THSD4: variants seen among roughly 807,000 people sequenced by gnomAD.
The protein encoded by THSD4 is thrombospondin type 1 domain containing 4, also known as thrombospondin type-1 domain-containing protein 4.
Under a neutral mutation model 119.0 loss-of-function variants are expected in THSD4, and 69 were observed. The observed-to-expected ratio is 0.58, with a 90% CI of 0.48 to 0.71. The LOEUF is 0.71. Among genes scored for constraint, THSD4 ranks in the 30% least tolerant of loss-of-function variants. The pLI, the probability that THSD4 is intolerant of heterozygous loss-of-function variation, is 0.00. For synonymous variants in THSD4, 524 were observed against 540.4 expected (o/e 0.97, Z 0.42); for missense variants, 1,393 against 1,391.1 (o/e 1.00, Z -0.02).
Position 71,728,664 on chromosome 15 carries a change from G to A in THSD4, c.1473G>A (p.Ser491=), listed in dbSNP as rs527544680. ...MFTYKRPNEI[S]STAGESFLAE... ...CCTACAAGCGTCCAAATGAGATTTC[G>A]AGCACTGCCGGAGAGTCCTTTTTGG... is the stretch of plus-strand genomic sequence containing the variant. Residue 491 remains serine, a synonymous_variant, in exon 9 of 18, where the codon TCG becomes TCA. Coordinates refer to ENST00000261862, the MANE Select transcript of THSD4 (RefSeq NM_024817.3). 1.1e-5 allele frequency: 17 copies of A among 1,614,192 alleles called. No individual in the cohort carries two copies. The highest frequency in any genetic ancestry group is 1.1e-5 in the Non-Finnish European group (13 of 1,180,036).
At chr15:71,671,755 T>G (rs897848819) in intron 8 of THSD4, among the ~76,000 whole-genome samples, 28 of 152,106 alleles carry the variant, frequency 1.8e-4, no homozygotes, top group African/African-American at 6.8e-4. Context: ...TTTCCCCACT[T>G]CTTGTTTTTG....
At chr15:71,586,515 T>C (rs2049673873) in intron 7 of THSD4, among the ~76,000 whole-genome samples, 1 of 152,178 alleles carries the variant, frequency 6.6e-6, no homozygotes, top group East Asian at 1.9e-4. Flanking sequence ...TGAGGGATGC[T>C]TTGAGAGTCC....
intron 7 of THSD4, among the ~76,000 whole-genome samples, chr15:71,591,667 A>G (rs959678780): frequency 1.3e-5 from 2 of 152,080 alleles, no homozygotes; most frequent in Middle Eastern, 3.2e-3. Flanking sequence ...GGCCCAGTGT[A>G]ACCTTCTGCA....
chr15:71,771,092 G>T lies in THSD4; in HGVS notation c.2798G>T (p.Arg933Leu). 6.2e-7 allele frequency: 1 copy of T among 1,614,092 alleles called. No individual in the cohort carries two copies. The highest frequency in any genetic ancestry group is 8.5e-7 in the Non-Finnish European group (1 of 1,180,002). ...TCCAAGAGCTGCCAGGGTGGCTTTC[G>T]GGTCCGGGAAGTGCGGTGTCTGTCT... is the stretch of plus-strand genomic sequence containing the variant. ...MCSKSCQGGFRVREVRCLSDD... is the reference protein window; with the variant it reads ...MCSKSCQGGFLVREVRCLSDD... Residue 933 changes from arginine (R) to leucine (L), a missense_variant, in exon 17 of 18, where the codon CGG becomes CTG. By Grantham distance (102) the Arg-to-Leu change is moderately radical. Transcript: ENST00000261862.
intron 7 of THSD4, among the ~76,000 whole-genome samples, chr15:71,650,245 C>T (rs1334502130): frequency 2.6e-5 from 4 of 152,180 alleles, no homozygotes; most frequent in African/African-American, 9.7e-5. Context: ...CAACAGAGAC[C>T]ATATGACTGC....
chr15:71,385,962 G>A (rs1054138375), intron 6 of THSD4, among the ~76,000 whole-genome samples: 2 of 152,184 alleles, frequency 1.3e-5, no homozygotes, highest in Admixed American at 6.5e-5. Flanking sequence ...AGCAATGGCA[G>A]AATGGAGGCA....
intron 6 of THSD4, among the ~76,000 whole-genome samples, chr15:71,404,068 ACTT>A (rs1159315483): frequency 2.0e-5 from 3 of 152,204 alleles, no homozygotes; most frequent in African/African-American, 7.2e-5. Flanking sequence ...AAAACTAATT[ACTT>A]CTTTTCCTTT....
chr15:71,663,475 C>T lies in THSD4; in HGVS notation c.1357+2741C>T, dbSNP rs543661290. ...ACAGAGATTCCTTCTAGAGCACTTA[C>T]GTCACCTGGGGTGCTTTGTGTATTC... On this transcript the variant is annotated intron_variant, in intron 8 of 17. Coordinates refer to ENST00000261862, the MANE Select transcript of THSD4 (RefSeq NM_024817.3). Among the ~76,000 whole-genome samples the T allele has an allele frequency of 2.6e-5, 4 of 152,314 alleles. No individual in the cohort carries two copies. In the East Asian group the frequency reaches 7.7e-4, roughly 29 times the overall value.
In THSD4 at chr15:71,550,522, C is replaced by T. The variant is rs189413463; in HGVS notation, c.1153-110008C>T. ...CACAATCTCGGCTCACTGCAAGCTC[C>T]GCCTCCCGGGTTCACGCCATTTTCC... On this transcript the variant is annotated intron_variant, in intron 7 of 17. Coordinates refer to ENST00000261862, the MANE Select transcript of THSD4 (RefSeq NM_024817.3). Among the ~76,000 whole-genome samples, 171 of 152,254 alleles carry T rather than the reference C, an allele frequency of 1.1e-3. 1 individual carries two copies. The highest frequency in any genetic ancestry group is 3.2e-3 in the Admixed American group (49 of 15,288).
intron 6 of THSD4, among the ~76,000 whole-genome samples, chr15:71,305,236 A>T (rs903509060): frequency 6.6e-6 from 1 of 152,202 alleles, no homozygotes; most frequent in African/African-American, 2.4e-5. Flanking sequence ...CAAAGTACCA[A>T]TTTCAATCCA....
intron 3 of THSD4, among the ~76,000 whole-genome samples, chr15:71,201,137 T>C (rs2043800424): frequency 6.6e-6 from 1 of 151,924 alleles, no homozygotes; most frequent in Admixed American, 6.6e-5. Flanking sequence ...CCTTCTGTCT[T>C]CTTTAGGCCC....
At chr15:71,746,692 G>T (rs958245129) in intron 12 of THSD4, 146 bp from the exon 13 acceptor site, 1 of 915,086 alleles carries the variant, frequency 1.1e-6, no homozygotes, top group South Asian at 1.6e-5. Context: ...ACTGTGCCCA[G>T]CCTAGGCTGA....
rs1440346071 is a variant in THSD4, at chr15:71,746,656, A to G, written c.2037-182A>G. 2.0e-5 allele frequency among the ~76,000 whole-genome samples: 3 copies of G among 152,296 alleles called. No homozygotes were observed. The East Asian group carries it at 5.8e-4, about 29-fold the overall frequency. ...GCCATCCTCCCACCTCAGCTTCCCA[A>G]AGTGCTGGGATTACAGGCGTGCGCC... On this transcript the variant is annotated intron_variant, in intron 12 of 17. Transcript: ENST00000261862.
At chr15:71,272,811 C>A (rs936766941) in intron 6 of THSD4, among the ~76,000 whole-genome samples, 2 of 151,826 alleles carry the variant, frequency 1.3e-5, no homozygotes, top group Admixed American at 6.6e-5. Context: ...TGGCAGTGAG[C>A]CAAGATCATG....
chr15:71,236,476 T>C (rs1221350309), intron 4 of THSD4, among the ~76,000 whole-genome samples: 1 of 152,234 alleles, frequency 6.6e-6, no homozygotes, highest in East Asian at 1.9e-4. Context: ...ACACAATAGA[T>C]GAGACTTCTG....
chr15:71,663,438 C>T (rs1326255614), intron 8 of THSD4, among the ~76,000 whole-genome samples: 1 of 152,138 alleles, frequency 6.6e-6, no homozygotes, highest in Non-Finnish European at 1.5e-5. Context: ...AAGCAGATTC[C>T]AGAGATGACG....
At position 71,777,638 on chromosome 15, in the gene THSD4, T is replaced by C. The variant is rs1318820556; in HGVS notation, c.*264T>C. The C allele has an allele frequency of 2.1e-4, 105 of 488,592 alleles. 1 individual carries two copies. In the Admixed American group the frequency reaches 3.4e-3, roughly 16 times the overall value. 30.3% of individuals were successfully genotyped at this position (488,592 alleles called of 1,614,324 possible). On this transcript the variant is annotated 3_prime_UTR_variant, in exon 18 of 18. Coordinates refer to ENST00000261862, the MANE Select transcript of THSD4 (RefSeq NM_024817.3). ...GACCTGGCATCTGCTAATGGTGCCCTTTGAAAGTCAAGCAGTGGGAAGTAC... is the reference window on the plus strand; with the variant it reads ...GACCTGGCATCTGCTAATGGTGCCCCTTGAAAGTCAAGCAGTGGGAAGTAC...
At chr15:71,259,493 C>T (rs1396058434) in intron 6 of THSD4, among the ~76,000 whole-genome samples, 2 of 152,132 alleles carry the variant, frequency 1.3e-5, no homozygotes, top group Non-Finnish European at 2.9e-5. Flanking sequence ...GAGTTTGCTC[C>T]AGCTGATAGT....
At chr15:71,152,993 A>G (rs28405566) in intron 2 of THSD4, among the ~76,000 whole-genome samples, 12,423 of 152,060 alleles carry the variant, frequency 0.082, 997 homozygotes, top group African/African-American at 0.21. Context: ...CTAAAACATA[A>G]CATCTCCTGC....
Sources: allele counts gnomAD v4.1 joint callset (sites outside exome capture counted in the v4.1 genomes callset), GRCh38; gene constraint gnomAD v4.1.1; transcripts MANE v1.5; gene names NCBI Gene and HGNC (gene_info 2026-07-23, HGNC 2026-07-21).